BICC1: variants seen among roughly 807,000 people sequenced by gnomAD.
BICC1 encodes BicC family RNA binding protein 1, also known as protein bicaudal C homolog 1.
In BICC1, 43 loss-of-function variants were observed where a neutral mutation model predicts 111.0. The ratio of observed to expected loss-of-function variants is 0.39; its 90% CI spans 0.30 to 0.50. The LOEUF is 0.50. Among genes scored for constraint, BICC1 ranks in the 20% least tolerant of loss-of-function variants. BICC1 has a pLI of 0.88. For missense variants in BICC1, 1,091 were observed against 1,203.2 expected, an observed-to-expected ratio of 0.91 and a Z score of 1.38; for synonymous variants, 467 against 434.4, an observed-to-expected ratio of 1.07 and a Z score of -0.93.
rs376895676 is a variant in BICC1 at position 58,712,874 on chromosome 10, A to G, written c.307+10731A>G. On this transcript the variant is annotated intron_variant, in intron 3 of 20. Transcript: ENST00000373886. ...GAGGCTGTGCCTGCGTATAGAAAGC[A>G]GCGTATGGGAATTCTCTGTACTTTC... 5.3e-4 allele frequency among the ~76,000 whole-genome samples: 81 copies of G among 152,304 alleles called. 1 individual carries two copies. The highest frequency in any genetic ancestry group is 1.8e-3 in the African/African-American group (73 of 41,570).
chr10:58,609,713 G>A (rs905894188), intron 1 of BICC1, among the ~76,000 whole-genome samples: 14 of 152,100 alleles, frequency 9.2e-5, no homozygotes, highest in African/African-American at 3.4e-4. Flanking sequence ...CAGTGTTCAC[G>A]AGGCACATGT....
At chr10:58,518,858 C>G (rs1348374134) in intron 1 of BICC1, among the ~76,000 whole-genome samples, 1 of 152,098 alleles carries the variant, frequency 6.6e-6, no homozygotes, top group Non-Finnish European at 1.5e-5. Flanking sequence ...TAAAACCTCA[C>G]GCTCACGGGC....
chr10:58,767,335 T>C (rs4556490), intron 3 of BICC1, among the ~76,000 whole-genome samples: 116,525 of 152,058 alleles, frequency 0.77, 45,241 homozygotes, highest in East Asian at 1. Context: ...ATCTTAAGAA[T>C]TACCTCCCAA....
intron 20 of BICC1, among the ~76,000 whole-genome samples, chr10:58,827,254 A>T (rs1003974652): frequency 6.6e-6 from 1 of 152,204 alleles, no homozygotes; most frequent in African/African-American, 2.4e-5. Flanking sequence ...TAGAGAAAAC[A>T]TTATGAAAAG....
Position 58,803,083 on chromosome 10 carries a change from T to G in BICC1, c.2022T>G (p.Thr674=). 1 of 1,597,968 alleles carries G rather than the reference T, an allele frequency of 6.3e-7. No individual in the cohort carries two copies. Among genetic ancestry groups the G allele is most frequent in the African/African-American group, 1.3e-5 (1 of 74,652 alleles). Residue 674 remains threonine, a synonymous_variant, in exon 15 of 21, where the codon ACT becomes ACG. Transcript: ENST00000373886. ...CCACACTCTTATTTCACAGCAGCAC[T>G]GACAGGTTGCTCTCAGACCCTGAAC... is the stretch of plus-strand genomic sequence containing the variant. The part of the protein sequence containing the change: ...QGTKNSHLHS[T]DRLLSDPELS...
intron 1 of BICC1, among the ~76,000 whole-genome samples, chr10:58,548,205 A>G (rs529962966): frequency 8.8e-4 from 134 of 152,298 alleles, no homozygotes; most frequent in African/African-American, 3.2e-3. Context: ...ACTGTCATTC[A>G]AACACTGAGA....
chr10:58,744,561 A>T (rs1324445813), intron 3 of BICC1, among the ~76,000 whole-genome samples: 1 of 152,140 alleles, frequency 6.6e-6, no homozygotes, highest in Non-Finnish European at 1.5e-5. Flanking sequence ...TTTAAAAAGA[A>T]TAATTTTTTC....
intron 18 of BICC1, among the ~76,000 whole-genome samples, chr10:58,815,359 C>T (rs1844056071): frequency 6.6e-6 from 1 of 152,144 alleles, no homozygotes. Flanking sequence ...GGAGACTTCC[C>T]ATTAGTTACT....
intron 1 of BICC1, among the ~76,000 whole-genome samples, chr10:58,567,209 C>T (rs1424579479): frequency 2.0e-5 from 3 of 152,074 alleles, no homozygotes; most frequent in Admixed American, 6.6e-5. Flanking sequence ...GGTTTACTTA[C>T]ATTTTGTTGT....
chr10:58,827,361 GT>G (rs1294060319), intron 20 of BICC1, among the ~76,000 whole-genome samples: 1 of 152,214 alleles, frequency 6.6e-6, no homozygotes, highest in Non-Finnish European at 1.5e-5. Flanking sequence ...GAAAAAAACT[GT>G]GTCCAGATGT....
chr10:58,523,108 T>C (rs1311438668), intron 1 of BICC1, among the ~76,000 whole-genome samples: 2 of 152,260 alleles, frequency 1.3e-5, no homozygotes, highest in Non-Finnish European at 2.9e-5. Context: ...GATTCACAGC[T>C]GAATTCTACC....
At chr10:58,523,500 A>G in intron 1 of BICC1, among the ~76,000 whole-genome samples, 1 of 152,262 alleles carries the variant, frequency 6.6e-6, no homozygotes, top group East Asian at 1.9e-4. Context: ...ACAAAATTCA[A>G]CAAAGCTTCA....
At chr10:58,641,453 CTTCTTTTTT>C (rs1838119911) in intron 2 of BICC1, among the ~76,000 whole-genome samples, 1 of 151,534 alleles carries the variant, frequency 6.6e-6, no homozygotes, top group Admixed American at 6.6e-5. Context: ...TCTAGGTTGA[CTTCTTTTTT>C]TTCTTTCCTT....
chr10:58,690,574 A>G (rs942405489), intron 2 of BICC1, among the ~76,000 whole-genome samples: 1 of 152,008 alleles, frequency 6.6e-6, no homozygotes, highest in Non-Finnish European at 1.5e-5. Flanking sequence ...ATGAATACAT[A>G]CCTCCTTTCA....
intron 2 of BICC1, among the ~76,000 whole-genome samples, chr10:58,639,909 C>G (rs183453214): frequency 3.3e-5 from 5 of 151,754 alleles, no homozygotes; most frequent in Non-Finnish European, 5.9e-5. Flanking sequence ...GACAGGGTTT[C>G]GCCATGTTGC....
At chr10:58,614,403 T>G (rs879869689) in intron 1 of BICC1, among the ~76,000 whole-genome samples, 6 of 152,202 alleles carry the variant, frequency 3.9e-5, no homozygotes, top group Non-Finnish European at 7.3e-5. Flanking sequence ...AATGGATACA[T>G]CAGAATTGAG....
intron 3 of BICC1, among the ~76,000 whole-genome samples, chr10:58,738,685 G>A (rs1393922426): frequency 1.4e-5 from 2 of 140,962 alleles, no homozygotes; most frequent in African/African-American, 2.6e-5. Flanking sequence ...GGGCAGTATG[G>A]CCATTTTCAC....
At chr10:58,638,942 T>A (rs1216677655) in intron 2 of BICC1, among the ~76,000 whole-genome samples, 1 of 143,152 alleles carries the variant, frequency 7.0e-6, no homozygotes, top group South Asian at 2.6e-4. Flanking sequence ...TTTGCTTTCA[T>A]CTTTTTCTTT....
At chr10:58,805,370 T>C (rs1251591025) in intron 15 of BICC1, among the ~76,000 whole-genome samples, 1 of 152,228 alleles carries the variant, frequency 6.6e-6, no homozygotes, top group Non-Finnish European at 1.5e-5. Context: ...TGTTGTATTC[T>C]TCCACAAAGC....
Sources: allele counts gnomAD v4.1 joint callset (sites outside exome capture counted in the v4.1 genomes callset), GRCh38; gene constraint gnomAD v4.1.1; transcripts MANE v1.5; gene names NCBI Gene and HGNC (gene_info 2026-07-23, HGNC 2026-07-21).